FBRSL1: variants seen among roughly 807,000 people sequenced by gnomAD.
FBRSL1 encodes the protein fibrosin-1-like protein.
A neutral mutation model predicts 89.6 loss-of-function variants in FBRSL1; 51 were observed. The ratio of observed to expected loss-of-function variants is 0.57; its 90% confidence interval spans 0.45 to 0.72. FBRSL1 has a LOEUF of 0.72. Ranked by LOEUF, FBRSL1 falls within the 30% of genes least tolerant of loss-of-function variation. FBRSL1 has a pLI of 0.00. For synonymous variants in FBRSL1, 779 were observed against 681.1 expected (o/e 1.14, Z -2.24); for missense variants, 1,618 against 1,451.8 (o/e 1.11, Z -1.86).
chr12:132,515,899 CAAAAAA>C (rs60767937), intron 2 of FBRSL1, among the ~76,000 whole-genome samples: 7 of 65,644 alleles, frequency 1.1e-4, no homozygotes, highest in African/African-American at 1.8e-4. Context: ...GACTCCGTCT[CAAAAAA>C]AAAAAAAAAA....
intron 4 of FBRSL1, among the ~76,000 whole-genome samples, chr12:132,531,474 G>A (rs1018399958): frequency 4.6e-5 from 7 of 152,146 alleles, no homozygotes; most frequent in African/African-American, 7.2e-5. Context: ...TGGTACCCCC[G>A]TGTGGTGGGC....
intron 18 of FBRSL1, among the ~76,000 whole-genome samples, chr12:132,582,763 C>T (rs2040865225): frequency 6.6e-6 from 1 of 152,142 alleles, no homozygotes; most frequent in African/African-American, 2.4e-5. Context: ...ATCCCGCTTC[C>T]GTCTCCCGGC....
chr12:132,515,763 G>A (rs912534375), intron 2 of FBRSL1, among the ~76,000 whole-genome samples: 4 of 151,916 alleles, frequency 2.6e-5, no homozygotes, highest in East Asian at 1.9e-4. Flanking sequence ...AGCCAGGCAC[G>A]GTGGCGCACA....
At chr12:132,538,943 G>C (rs1031626625) in intron 4 of FBRSL1, among the ~76,000 whole-genome samples, 1 of 152,100 alleles carries the variant, frequency 6.6e-6, no homozygotes, top group South Asian at 2.1e-4. Flanking sequence ...TGACCGGAGG[G>C]TGAGAGTGGC....
chr12:132,500,086 G>T (rs964446373), intron 1 of FBRSL1, among the ~76,000 whole-genome samples: 21 of 152,190 alleles, frequency 1.4e-4, no homozygotes, highest in Non-Finnish European at 4.4e-5. Flanking sequence ...AATCCGTGGT[G>T]TCTGGCTCAG....
rs1347381987 is a variant in FBRSL1 at position 132,566,422 on chromosome 12, AGAAG to A, written c.646-1058_646-1055del. On this transcript the variant is annotated intron_variant, in intron 5 of 18. Transcript: ENST00000680143. ...CTGTTTAATCAAAAAAAAAAAAAAAAGAAGAAGAAGAAACTAGGAGGGAAATATC... is the reference window on the plus strand; with the variant it reads ...CTGTTTAATCAAAAAAAAAAAAAAAAAAGAAGAAACTAGGAGGGAAATATC... 366 of 139,744 alleles carry A rather than the reference AGAAG, an allele frequency of 2.6e-3. 3 individuals are homozygous for A. The highest frequency in any genetic ancestry group is 9.5e-3 in the African/African-American group (340 of 35,738). The allele number at this position is 139,744 out of a possible 1,614,324, so 8.7% of individuals were successfully genotyped here.
intron 5 of FBRSL1, among the ~76,000 whole-genome samples, chr12:132,563,864 G>A (rs866742154): frequency 1.3e-5 from 1 of 75,138 alleles, no homozygotes; most frequent in Non-Finnish European, 2.2e-5. Flanking sequence ...ACATACCTAC[G>A]ACTGTACACT....
In FBRSL1 at chr12:132,583,652, G is replaced by A; in HGVS notation, c.2883G>A (p.Thr961=). Residue 961 remains threonine, a synonymous_variant, in exon 19 of 19, where the codon ACG becomes ACA. Coordinates refer to ENST00000680143, the MANE Select transcript of FBRSL1 (RefSeq NM_001367871.1). Reference sequence around the variant, plus strand: ...TCGGCGCACCGCCCCCCCTGGTGACGGCGGCCGGGCCCCCCACGCCCCCCG... The same window carrying A: ...TCGGCGCACCGCCCCCCCTGGTGACAGCGGCCGGGCCCCCCACGCCCCCCG... The part of the protein sequence containing the change: ...AALGAPPPLV[T]AAGPPTPPGP... The A allele has an allele frequency of 9.7e-7, 1 of 1,030,370 alleles. No individual in the cohort carries two copies. Among genetic ancestry groups the A allele is most frequent in the African/African-American group, 1.7e-5 (1 of 57,646 alleles). The allele number at this position is 1,030,370 out of a possible 1,614,324, so 63.8% of individuals were successfully genotyped here. A position where few individuals can be genotyped will look rare whatever the true frequency, so the allele number is the denominator to read the frequency against.
At chr12:132,541,502 G>GC (rs1025304377) in intron 4 of FBRSL1, among the ~76,000 whole-genome samples, 9 of 152,274 alleles carry the variant, frequency 5.9e-5, no homozygotes, top group Admixed American at 2.0e-4. Context: ...ACCTGGCGGT[G>GC]CCCCCCCAGG....
intron 14 of FBRSL1, among the ~76,000 whole-genome samples, chr12:132,575,917 G>A (rs2138019614): frequency 6.6e-6 from 1 of 152,350 alleles, no homozygotes; most frequent in East Asian, 1.9e-4. Flanking sequence ...CCAGGACAGT[G>A]GGGTCTTGTT....
intron 14 of FBRSL1, among the ~76,000 whole-genome samples, chr12:132,576,473 G>A (rs2040390391): frequency 6.6e-6 from 1 of 152,204 alleles, no homozygotes; most frequent in African/African-American, 2.4e-5. Flanking sequence ...GATTACAGGC[G>A]TGAGCCACCG....
chr12:132,551,205 G>GC (rs1041198789), intron 5 of FBRSL1: 1 of 358,130 alleles, frequency 2.8e-6, no homozygotes, highest in Admixed American at 3.6e-5. Context: ...CCCCTCAGCA[G>GC]CCCCGGGCTT....
Position 132,509,221 on chromosome 12 carries a change from C to T in FBRSL1, c.489+871C>T, listed in dbSNP as rs561597252. ...GCCAGCCACTGGGACCAGAACGGCC[C>T]GGCCCAGCGCCAGCAACAGCTCCAG... On this transcript the variant is annotated intron_variant, in intron 2 of 18. Coordinates refer to ENST00000680143, the MANE Select transcript of FBRSL1 (RefSeq NM_001367871.1). 30 of 1,251,696 alleles carry T rather than the reference C, an allele frequency of 2.4e-5. No individual in the cohort carries two copies. In the South Asian group the frequency reaches 5.7e-4, roughly 24 times the overall value. 77.5% of individuals were successfully genotyped at this position (1,251,696 alleles called of 1,614,324 possible).
chr12:132,564,708 G>C (rs1000039147), intron 5 of FBRSL1, among the ~76,000 whole-genome samples: 6 of 86,046 alleles, frequency 7.0e-5, no homozygotes, highest in Non-Finnish European at 1.0e-4. Flanking sequence ...TGTTAGCCAG[G>C]ATGGTCTCGA....
In FBRSL1 at chr12:132,570,111, GCCCCGCACCGCCACA is replaced by G; in HGVS notation, c.885_899del (p.His295_Pro299del). 5 of 1,474,718 alleles carry G rather than the reference GCCCCGCACCGCCACA, an allele frequency of 3.4e-6. No homozygotes were observed. Among genetic ancestry groups the G allele is most frequent in the Admixed American group, 2.5e-5 (1 of 40,694 alleles). 91.4% of individuals were successfully genotyped at this position (1,474,718 alleles called of 1,614,324 possible). A position where few individuals can be genotyped will look rare whatever the true frequency, so the allele number is the denominator to read the frequency against. ...TCCCTTGGTGAAGAAGGAACCCCCC[GCCCCGCACCGCCACA>G]CCCCGCAGCCGCCACCCCCGCAGCC... On this transcript the variant is annotated inframe_deletion, in exon 7 of 19. Coordinates refer to ENST00000680143, the MANE Select transcript of FBRSL1 (RefSeq NM_001367871.1).
At chr12:132,538,619 C>T (rs2036957597) in intron 4 of FBRSL1, among the ~76,000 whole-genome samples, 1 of 152,212 alleles carries the variant, frequency 6.6e-6, no homozygotes, top group South Asian at 2.1e-4. Context: ...GGGGCCTTGG[C>T]ACTGTGGGGA....
chr12:132,571,222 G>T lies in FBRSL1; in HGVS notation c.1368G>T (p.Arg456=). The change falls in exon 9 of 19, where the codon CGG becomes CGT. Residue 456 remains arginine (R), a synonymous_variant. Coordinates refer to ENST00000680143, the MANE Select transcript of FBRSL1 (RefSeq NM_001367871.1). ...SGHPGLACRP[R]ECQFDKYAPK... ...ACCCCGGCTTGGCCTGCCGACCCCG[G>T]GAGTGCCAGGTGACTATCCGCCTCG... 2 of 1,453,586 alleles carry T rather than the reference G, an allele frequency of 1.4e-6. No individual in the cohort carries two copies. Among genetic ancestry groups the T allele is most frequent in the Non-Finnish European group, 1.8e-6 (2 of 1,095,964 alleles). 90.0% of individuals were successfully genotyped at this position (1,453,586 alleles called of 1,614,324 possible). A position where few individuals can be genotyped will look rare whatever the true frequency, so the allele number is the denominator to read the frequency against.
At chr12:132,511,833 C>G in intron 2 of FBRSL1, 1 of 979,276 alleles carries the variant, frequency 1.0e-6, no homozygotes, top group Non-Finnish European at 1.2e-6. Flanking sequence ...GGCCCCCTCG[C>G]TCCCCACCCA....
At chr12:132,491,995 C>T (rs2031089503) in intron 1 of FBRSL1, among the ~76,000 whole-genome samples, 1 of 152,224 alleles carries the variant, frequency 6.6e-6, no homozygotes, top group Non-Finnish European at 1.5e-5. Flanking sequence ...TATTAGATGG[C>T]TCCAGGGCTG....
Sources: gnomAD v4.1 joint callset for allele counts (sites outside exome capture counted in the v4.1 genomes callset) on GRCh38, gnomAD v4.1.1 for gene constraint, MANE v1.5 for transcripts, NCBI Gene and HGNC (gene_info 2026-07-23, HGNC 2026-07-21) for gene names.